ZNF804B: variants seen among roughly 807,000 people sequenced by gnomAD.
ZNF804B encodes the protein zinc finger 804B.
In ZNF804B, 80 loss-of-function variants were observed where a neutral mutation model predicts 101.4. That is an observed-to-expected ratio of 0.79 (90% CI 0.66 to 0.95). The LOEUF (loss-of-function observed/expected upper bound fraction) is 0.95, where lower values mean the gene tolerates loss of function less well. ZNF804B is among the 40% of genes least tolerant of loss of function. The probability of loss-of-function intolerance (pLI) is 0.00; values close to 1 mark genes in which losing one functional copy is unlikely to be tolerated. For missense variants in ZNF804B, 1,673 were observed against 1,561.9 expected (o/e 1.07, Z -1.20); for synonymous variants, 622 against 558.8 (o/e 1.11, Z -1.59).
chr7:89,038,731 T>C (rs1788966063), intron 1 of ZNF804B, among the ~76,000 whole-genome samples: 1 of 152,088 alleles, frequency 6.6e-6, no homozygotes, highest in Non-Finnish European at 1.5e-5. Flanking sequence ...ATTCAAATAA[T>C]CAGACCAATA....
At chr7:88,881,216 C>A (rs1284987805) in intron 1 of ZNF804B, among the ~76,000 whole-genome samples, 4 of 151,932 alleles carry the variant, frequency 2.6e-5, no homozygotes, top group African/African-American at 9.7e-5. Flanking sequence ...ATTTATAAAG[C>A]TAATTTTCAT....
At chr7:88,777,509 G>A (rs1790161876) in intron 1 of ZNF804B, among the ~76,000 whole-genome samples, 1 of 152,132 alleles carries the variant, frequency 6.6e-6, no homozygotes, top group African/African-American at 2.4e-5. Context: ...AATGCTATCA[G>A]ACAAATACCC....
chr7:88,911,280 T>C (rs17165273), intron 1 of ZNF804B, among the ~76,000 whole-genome samples: 1 of 151,630 alleles, frequency 6.6e-6, no homozygotes, highest in South Asian at 2.1e-4. Flanking sequence ...ATGCTTTTTT[T>C]AATGACATTT....
intron 2 of ZNF804B, among the ~76,000 whole-genome samples, chr7:89,269,885 T>A (rs1789858515): frequency 2.0e-5 from 3 of 152,234 alleles, no homozygotes; most frequent in African/African-American, 7.2e-5. Context: ...TCTGTTCATA[T>A]CCTTTGCCCA....
intron 1 of ZNF804B, among the ~76,000 whole-genome samples, chr7:88,935,676 T>G (rs968598700): frequency 5.3e-5 from 8 of 152,152 alleles, no homozygotes; most frequent in Admixed American, 2.0e-4. Flanking sequence ...TGCCATATTT[T>G]GAGTAGTCTC....
At chr7:88,941,409 A>G (rs1793052025) in intron 1 of ZNF804B, among the ~76,000 whole-genome samples, 2 of 152,064 alleles carry the variant, frequency 1.3e-5, no homozygotes, top group South Asian at 4.1e-4. Context: ...GCATTTAGAT[A>G]AGGGAATATT....
intron 1 of ZNF804B, among the ~76,000 whole-genome samples, chr7:88,909,109 G>T (rs1366476669): frequency 6.6e-6 from 1 of 151,886 alleles, no homozygotes; most frequent in East Asian, 1.9e-4. Flanking sequence ...GCCTATGGCA[G>T]ATATTGGTGC....
chr7:89,088,075 C>A (rs1789833315), intron 1 of ZNF804B, among the ~76,000 whole-genome samples: 1 of 151,710 alleles, frequency 6.6e-6, no homozygotes, highest in Non-Finnish European at 1.5e-5. Flanking sequence ...AATTAATTTG[C>A]CCAGGATCAC....
At chr7:89,317,261 T>C (rs997712494) in intron 2 of ZNF804B, among the ~76,000 whole-genome samples, 1 of 152,168 alleles carries the variant, frequency 6.6e-6, no homozygotes, top group Non-Finnish European at 1.5e-5. Flanking sequence ...ATACTCTTGA[T>C]TATAGGTTGA....
intron 1 of ZNF804B, among the ~76,000 whole-genome samples, chr7:88,766,699 T>C (rs1016446130): frequency 6.6e-6 from 1 of 152,202 alleles, no homozygotes; most frequent in South Asian, 2.1e-4. Flanking sequence ...ACATTTATAT[T>C]TTGCTGTTTT....
intron 1 of ZNF804B, among the ~76,000 whole-genome samples, chr7:88,811,175 G>A (rs1428440448): frequency 6.6e-6 from 1 of 152,130 alleles, no homozygotes; most frequent in Non-Finnish European, 1.5e-5. Flanking sequence ...CAAAGATCCT[G>A]CCATTACATC....
At chr7:89,114,666 G>A (rs980189348) in intron 1 of ZNF804B, among the ~76,000 whole-genome samples, 11 of 152,058 alleles carry the variant, frequency 7.2e-5, no homozygotes, top group African/African-American at 2.7e-4. Flanking sequence ...GATGTGAAAA[G>A]GCCTGAAAAA....
intron 1 of ZNF804B, among the ~76,000 whole-genome samples, chr7:89,083,290 T>C (rs1440059652): frequency 1.3e-5 from 2 of 151,838 alleles, no homozygotes; most frequent in East Asian, 1.9e-4. Context: ...GGAATGACTA[T>C]GTGCAATTAT....
At chr7:89,057,639 G>A (rs1405996285) in intron 1 of ZNF804B, among the ~76,000 whole-genome samples, 5 of 152,100 alleles carry the variant, frequency 3.3e-5, no homozygotes, top group Non-Finnish European at 5.9e-5. Context: ...ATTCAGTGGG[G>A]GTGTGAGGGA....
At chr7:88,795,715 A>G (rs904850373) in intron 1 of ZNF804B, 13 of 151,872 alleles carry the variant, frequency 8.6e-5, no homozygotes, top group African/African-American at 3.1e-4. Context: ...CAGGCTCCCA[A>G]CTGCCAGTCC....
chr7:89,127,702 T>G (rs1790494071), intron 1 of ZNF804B, among the ~76,000 whole-genome samples: 1 of 151,650 alleles, frequency 6.6e-6, no homozygotes, highest in African/African-American at 2.4e-5. Flanking sequence ...GTTCACACAA[T>G]TCACATATAA....
intron 1 of ZNF804B, among the ~76,000 whole-genome samples, chr7:88,930,976 C>T (rs1792875979): frequency 6.6e-6 from 1 of 151,784 alleles, no homozygotes; most frequent in South Asian, 2.1e-4. Flanking sequence ...TTATATTAGC[C>T]TTCTCTTTTT....
chr7:88,768,095 T>C (rs987328384), intron 1 of ZNF804B, among the ~76,000 whole-genome samples: 2 of 152,214 alleles, frequency 1.3e-5, no homozygotes, highest in Non-Finnish European at 2.9e-5. Context: ...GTAGAATGAA[T>C]GAACGGAGGT....
chr7:89,010,907 C>G (rs1788450370), intron 1 of ZNF804B, among the ~76,000 whole-genome samples: 1 of 152,172 alleles, frequency 6.6e-6, no homozygotes, highest in Admixed American at 6.5e-5. Context: ...CCACAATGTT[C>G]TGTTGTAAAG....
Sources: allele counts gnomAD v4.1 joint callset (sites outside exome capture counted in the v4.1 genomes callset), GRCh38; gene constraint gnomAD v4.1.1; transcripts MANE v1.5; gene names NCBI Gene and HGNC (gene_info 2026-07-23, HGNC 2026-07-21).